The following GAB1 variants were observed in gnomAD, a reference collection of about 807,000 sequenced individuals.
GAB1 encodes GRB2-associated-binding protein 1.
In GAB1, 19 loss-of-function variants were observed where a neutral mutation model predicts 66.5. The observed-to-expected ratio is 0.29, with a 90% CI of 0.20 to 0.42. The LOEUF (loss-of-function observed/expected upper bound fraction) is 0.42, where lower values mean the gene tolerates loss of function less well. Ranked by LOEUF, GAB1 falls within the 10% of genes least tolerant of loss-of-function variation. The pLI is 1.00. For synonymous variants in GAB1, 294 were observed against 301.4 expected, an observed-to-expected ratio of 0.98 and a Z score of 0.25; for missense variants, 732 against 858.5, an observed-to-expected ratio of 0.85 and a Z score of 1.84.
intron 1 of GAB1, among the ~76,000 whole-genome samples, chr4:143,386,570 TA>T (rs1172679204): frequency 6.6e-6 from 1 of 152,084 alleles, no homozygotes; most frequent in Non-Finnish European, 1.5e-5. Context: ...TGATTTTTTA[TA>T]GGGATGAAGT....
chr4:143,373,887 T>A (rs71632807), intron 1 of GAB1, among the ~76,000 whole-genome samples: 33,569 of 93,268 alleles, frequency 0.36, 7,724 homozygotes, highest in African/African-American at 0.51. Context: ...ATATATATAT[T>A]TTTACCTTTC....
At chr4:143,419,680 G>A (rs1228126939) in intron 2 of GAB1, among the ~76,000 whole-genome samples, 1 of 152,078 alleles carries the variant, frequency 6.6e-6, no homozygotes, top group Non-Finnish European at 1.5e-5. Flanking sequence ...CTACATTGAG[G>A]TCATGAGCTA....
Position 143,438,227 on chromosome 4 carries a change from T to G in GAB1, c.822T>G (p.Ser274=). The G allele has an allele frequency of 6.2e-7, 1 of 1,614,118 alleles. No individual in the cohort carries two copies. Among genetic ancestry groups the G allele is most frequent in the South Asian group, 1.1e-5 (1 of 91,088 alleles). The change falls in exon 4 of 10, where the codon TCT becomes TCG. Residue 274 remains serine (S), a synonymous_variant. Transcript: ENST00000262994. ...CCCATGATGTTTTACCAAAGGTGTC[T>G]CCATCAAGTACTGAAGCAGATGGAG... ...SYSHDVLPKV[S]PSSTEADGEL...
At position 143,415,719 on chromosome 4, in the gene GAB1, T is replaced by C. The variant is rs1196330725; in HGVS notation, c.315T>C (p.Asn105=). ...TAGCAGACAGCGAGGAGGAGATGAA[T>C]AAGTGGGTTCGTTGTATTTGTGACA... ...YLVADSEEEM[N]KWVRCICDIC... Residue 105 remains asparagine, a synonymous_variant, in exon 2 of 10, where the codon AAT becomes AAC. Transcript: ENST00000262994. The C allele has an allele frequency of 3.7e-6, 6 of 1,613,676 alleles. No homozygotes were observed. Among genetic ancestry groups the C allele is most frequent in the Admixed American group, 1.7e-5 (1 of 59,970 alleles).
chr4:143,370,909 T>C (rs1312420850), intron 1 of GAB1, among the ~76,000 whole-genome samples: 1 of 152,256 alleles, frequency 6.6e-6, no homozygotes, highest in Non-Finnish European at 1.5e-5. Flanking sequence ...TAGTATTCCA[T>C]GGTGTATATG....
chr4:143,360,960 T>C (rs1040843531), intron 1 of GAB1, among the ~76,000 whole-genome samples: 2 of 152,224 alleles, frequency 1.3e-5, no homozygotes, highest in Non-Finnish European at 2.9e-5. Flanking sequence ...AAAACTTACA[T>C]TTTTTAATTT....
In GAB1 at chr4:143,438,364, C is replaced by T. The variant is rs1244720192; in HGVS notation, c.959C>T (p.Pro320Leu). Residue 320 changes from proline (P) to leucine (L), a missense_variant, in exon 4 of 10, where the codon CCA becomes CTA. Pro to Leu is a moderately conservative substitution (Grantham distance 98). Around this residue, in one of 4 missense-constraint regions of GAB1, gnomAD observed 427 missense variants for 420.6 expected, o/e 1.02. Coordinates refer to ENST00000262994, the MANE Select transcript of GAB1 (RefSeq NM_002039.4). ...ACACCTGGTAATACTTATCAGATTC[C>T]ACGAACATTTCCAGAAGGAACCTTG... ...PPTPGNTYQIPRTFPEGTLGQ... is the reference protein window; with the variant it reads ...PPTPGNTYQILRTFPEGTLGQ... 2.5e-6 allele frequency: 4 copies of T among 1,613,856 alleles called. No homozygotes were observed. Among genetic ancestry groups the T allele is most frequent in the Non-Finnish European group, 3.4e-6 (4 of 1,179,982 alleles).
At chr4:143,342,543 CTTTTTTT>C (rs5862632) in intron 1 of GAB1, among the ~76,000 whole-genome samples, 14 of 62,494 alleles carry the variant, frequency 2.2e-4, no homozygotes, top group African/African-American at 3.1e-4. Context: ...GTGATAGATT[CTTTTTTT>C]TTTTTTTTTT....
intron 6 of GAB1, among the ~76,000 whole-genome samples, chr4:143,456,151 G>A (rs969224567): frequency 6.6e-6 from 1 of 152,114 alleles, no homozygotes; most frequent in African/African-American, 2.4e-5. Context: ...ACACTATTTG[G>A]GGGAGTTTAA....
At position 143,466,189 on chromosome 4, in the gene GAB1, C is replaced by T. The variant is rs2229880; in HGVS notation, c.1890C>T (p.Leu630=). ...KGDKQVEYLD[L]DLDSGKSTPP... is the part of the protein sequence containing the mutation. ...ACAAACAGGTGGAATACTTAGATCT[C>T]GACTTAGATTCTGGGAAATCCACAC... The change falls in exon 9 of 10, where the codon CTC becomes CTT. Residue 630 remains leucine (L), a synonymous_variant. Coordinates refer to ENST00000262994, the MANE Select transcript of GAB1 (RefSeq NM_002039.4). The T allele has an allele frequency of 9.6e-4, 1,546 of 1,613,712 alleles. 7 individuals carry two copies. The highest frequency in any genetic ancestry group is 7.7e-3 in the African/African-American group (580 of 75,008).
At chr4:143,338,708 T>G (rs1728734029) in intron 1 of GAB1, among the ~76,000 whole-genome samples, 3 of 129,768 alleles carry the variant, frequency 2.3e-5, no homozygotes, top group African/African-American at 5.8e-5. Flanking sequence ...AAGAGAAAGG[T>G]AGGGGTGTGT....
intron 6 of GAB1, among the ~76,000 whole-genome samples, chr4:143,451,896 A>G (rs530682966): frequency 2.1e-4 from 27 of 131,356 alleles, no homozygotes; most frequent in Non-Finnish European, 4.0e-4. Flanking sequence ...TGAAGTGCTC[A>G]TTTAAAAAAA....
intron 1 of GAB1, among the ~76,000 whole-genome samples, chr4:143,354,749 TATA>T (rs1729374986): frequency 1.3e-5 from 2 of 152,224 alleles, no homozygotes; most frequent in Admixed American, 1.3e-4. Flanking sequence ...TGTTTTAAGT[TATA>T]ATTTTTAATA....
intron 6 of GAB1, among the ~76,000 whole-genome samples, chr4:143,448,000 A>G (rs1368692224): frequency 2.0e-5 from 3 of 152,208 alleles, no homozygotes; most frequent in Admixed American, 6.5e-5. Flanking sequence ...AGCATGAAGC[A>G]TTATTGAATT....
intron 6 of GAB1, among the ~76,000 whole-genome samples, chr4:143,442,989 T>A (rs918418520): frequency 1.1e-4 from 17 of 151,724 alleles, no homozygotes; most frequent in African/African-American, 4.1e-4. Context: ...TCAAAAAAAA[T>A]TTACTTTTCT....
intron 1 of GAB1, among the ~76,000 whole-genome samples, chr4:143,365,514 G>A (rs1310044733): frequency 6.6e-6 from 1 of 152,118 alleles, no homozygotes; most frequent in Non-Finnish European, 1.5e-5. Context: ...GGGGATTGGG[G>A]GAGTACACTG....
chr4:143,367,719 G>T (rs1331431567), intron 1 of GAB1, among the ~76,000 whole-genome samples: 2 of 94,654 alleles, frequency 2.1e-5, no homozygotes, highest in Non-Finnish European at 4.0e-5. Flanking sequence ...TCAGATGAGG[G>T]TTTTTTTTTT....
intron 6 of GAB1, among the ~76,000 whole-genome samples, chr4:143,447,110 T>C (rs1293454832): frequency 2.0e-5 from 3 of 152,050 alleles, no homozygotes; most frequent in Non-Finnish European, 4.4e-5. Flanking sequence ...GTTGTAGATA[T>C]GCGGCGTTAT....
intron 1 of GAB1, among the ~76,000 whole-genome samples, chr4:143,400,923 C>G (rs914190125): frequency 1.3e-5 from 2 of 149,168 alleles, no homozygotes; most frequent in Non-Finnish European, 3.0e-5. Flanking sequence ...GAGCTGAGAT[C>G]ACACCACTGT....
Sources: gnomAD v4.1 joint callset for allele counts (sites outside exome capture counted in the v4.1 genomes callset) on GRCh38, gnomAD v4.1.1 for gene constraint, gnomAD v4.1.1 regional missense constraint, MANE v1.5 for transcripts, NCBI Gene and HGNC (gene_info 2026-07-23, HGNC 2026-07-21) for gene names.